Variants in TEKT5 observed in about 807,000 individuals in gnomAD.
TEKT5 encodes the protein tektin-5.
In TEKT5, 52 loss-of-function variants were observed where a neutral mutation model predicts 48.7. The observed-to-expected ratio is 1.07, with a 90% CI of 0.86 to 1.35. The LOEUF is 1.35. Among genes scored for constraint, TEKT5 ranks in the 40% most tolerant of loss-of-function variants. TEKT5 has a pLI of 0.00. For missense variants in TEKT5, 831 were observed against 641.6 expected, an observed-to-expected ratio of 1.30 and a Z score of -3.19; for synonymous variants, 318 against 267.6, an observed-to-expected ratio of 1.19 and a Z score of -1.84.
chr16:10,679,676 C>A (rs1215776691), intron 4 of TEKT5, among the ~76,000 whole-genome samples: 5 of 152,046 alleles, frequency 3.3e-5, no homozygotes, highest in African/African-American at 7.2e-5. Flanking sequence ...GGGCAGATCA[C>A]CTAAGGTCAG....
At chr16:10,685,140 G>A (rs1233100700) in intron 3 of TEKT5, among the ~76,000 whole-genome samples, 1 of 152,204 alleles carries the variant, frequency 6.6e-6, no homozygotes, top group African/African-American at 2.4e-5. Flanking sequence ...ATCCGGCGTG[G>A]CTCGGCCTCC....
intron 5 of TEKT5, among the ~76,000 whole-genome samples, chr16:10,640,388 A>G (rs551447065): frequency 1.5e-4 from 23 of 152,334 alleles, no homozygotes; most frequent in African/African-American, 5.5e-4. Context: ...CACTGAGAAT[A>G]CAGGCATGTG....
chr16:10,668,074 T>G (rs188481236), intron 5 of TEKT5, among the ~76,000 whole-genome samples: 130 of 152,304 alleles, frequency 8.5e-4, no homozygotes, highest in African/African-American at 2.9e-3. Flanking sequence ...AACGGAGGTT[T>G]CACCATGTTG....
chr16:10,633,342 C>T (rs1187847415), intron 6 of TEKT5, among the ~76,000 whole-genome samples: 2 of 151,996 alleles, frequency 1.3e-5, no homozygotes, highest in African/African-American at 4.8e-5. Flanking sequence ...GCCTGGGCAA[C>T]AGAGCAAGAC....
At chr16:10,684,821 A>G (rs1898831171) in intron 3 of TEKT5, among the ~76,000 whole-genome samples, 1 of 152,084 alleles carries the variant, frequency 6.6e-6, no homozygotes, top group Admixed American at 6.5e-5. Flanking sequence ...CCAGGAAAAG[A>G]CCAAACGTGG....
chr16:10,687,111 AG>A (rs1898875222), intron 3 of TEKT5, among the ~76,000 whole-genome samples: 1 of 152,196 alleles, frequency 6.6e-6, no homozygotes, highest in Admixed American at 6.5e-5. Flanking sequence ...TGGTGGTCAA[AG>A]GGTACAAATT....
chr16:10,632,555 C>A (rs1366439040), intron 6 of TEKT5, among the ~76,000 whole-genome samples: 1 of 152,082 alleles, frequency 6.6e-6, no homozygotes, highest in African/African-American at 2.4e-5. Flanking sequence ...CTCAGCCTCC[C>A]AAAGTGCTGG....
At chr16:10,690,734 C>T (rs1898957369) in intron 1 of TEKT5, 1 of 985,270 alleles carries the variant, frequency 1.0e-6, no homozygotes, top group Non-Finnish European at 1.2e-6. Flanking sequence ...GAAGAGAGGA[C>T]AGGACAAGGG....
chr16:10,687,702 G>A (rs1258368982), intron 3 of TEKT5, among the ~76,000 whole-genome samples: 3 of 152,242 alleles, frequency 2.0e-5, no homozygotes, highest in Non-Finnish European at 2.9e-5. Flanking sequence ...GCAGTGAGCT[G>A]AGCCCATACC....
intron 5 of TEKT5, among the ~76,000 whole-genome samples, chr16:10,643,167 C>A (rs147253080): frequency 8.1e-4 from 123 of 151,770 alleles, no homozygotes; most frequent in Middle Eastern, 3.4e-3. Flanking sequence ...AATCACTTGA[C>A]GCCAGGAGTT....
chr16:10,641,245 T>C (rs1050049614), intron 5 of TEKT5, among the ~76,000 whole-genome samples: 1 of 152,158 alleles, frequency 6.6e-6, no homozygotes, highest in Non-Finnish European at 1.5e-5. Context: ...CAGAGAAGCA[T>C]GTGGATTAGC....
At chr16:10,655,289 G>T in intron 5 of TEKT5, among the ~76,000 whole-genome samples, 1 of 152,098 alleles carries the variant, frequency 6.6e-6, no homozygotes, top group Non-Finnish European at 1.5e-5. Flanking sequence ...TAAACGGAGG[G>T]AGTGTAGTCC....
intron 3 of TEKT5, among the ~76,000 whole-genome samples, 198 bp downstream of exon 3, chr16:10,689,055 C>G (rs1183831966): frequency 1.3e-5 from 2 of 152,096 alleles, no homozygotes; most frequent in East Asian, 3.9e-4. Context: ...AACATTTACA[C>G]CAGCGAAACT....
At chr16:10,674,573 G>A (rs546712555) in intron 5 of TEKT5, among the ~76,000 whole-genome samples, 4 of 125,976 alleles carry the variant, frequency 3.2e-5, no homozygotes, top group Non-Finnish European at 6.3e-5. Context: ...AGCCGTGATT[G>A]TGCCACTGTG....
chr16:10,692,197 G>T (rs1445460133), intron 1 of TEKT5, among the ~76,000 whole-genome samples: 1 of 152,194 alleles, frequency 6.6e-6, no homozygotes, highest in Admixed American at 6.5e-5. Context: ...TTCCAGACAG[G>T]ATGGGGGAGT....
chr16:10,661,852 G>A (rs139984549), intron 5 of TEKT5, among the ~76,000 whole-genome samples: 23 of 152,254 alleles, frequency 1.5e-4, no homozygotes, highest in Non-Finnish European at 2.9e-4. Flanking sequence ...TAAAGAAGAT[G>A]ATAATAGCAT....
chr16:10,663,018 G>A (rs146990723), intron 5 of TEKT5, among the ~76,000 whole-genome samples: 38 of 152,252 alleles, frequency 2.5e-4, no homozygotes, highest in Middle Eastern at 3.4e-3. Context: ...AGGAGAAGCC[G>A]GAAGCAAATC....
At chr16:10,652,307 C>T (rs1003945363) in intron 5 of TEKT5, among the ~76,000 whole-genome samples, 2 of 152,082 alleles carry the variant, frequency 1.3e-5, no homozygotes, top group African/African-American at 2.4e-5. Context: ...ATGCTTTTCT[C>T]CCACACACTC....
chr16:10,637,051 G>A (rs142293316), intron 5 of TEKT5, among the ~76,000 whole-genome samples: 178 of 147,816 alleles, frequency 1.2e-3, no homozygotes, highest in African/African-American at 4.0e-3. Context: ...GTGCGATTTC[G>A]GCTCACTGCA....
Sources: gnomAD v4.1 joint callset for allele counts (sites outside exome capture counted in the v4.1 genomes callset) on GRCh38, gnomAD v4.1.1 for gene constraint, MANE v1.5 for transcripts, NCBI Gene and HGNC (gene_info 2026-07-23, HGNC 2026-07-21) for gene names.